Variants in ZDHHC2 observed in about 807,000 individuals in gnomAD.
ZDHHC2 encodes palmitoyltransferase ZDHHC2.
ZDHHC2 carries 51 observed loss-of-function variants against 55.6 expected under a neutral mutation model. The ratio of observed to expected loss-of-function variants is 0.92; its 90% CI spans 0.73 to 1.16. The LOEUF (loss-of-function observed/expected upper bound fraction) is 1.16, where lower values mean the gene tolerates loss of function less well. Among genes scored for constraint, ZDHHC2 ranks in the 50% most tolerant of loss-of-function variants. The probability of loss-of-function intolerance (pLI) is 0.00; values close to 1 mark genes in which losing one functional copy is unlikely to be tolerated. For synonymous variants in ZDHHC2, 199 were observed against 152.9 expected, an observed-to-expected ratio of 1.30 and a Z score of -2.22; for missense variants, 491 against 442.4, an observed-to-expected ratio of 1.11 and a Z score of -0.99.
intron 1 of ZDHHC2, among the ~76,000 whole-genome samples, chr8:17,162,278 A>G (rs1035487298): frequency 4.6e-5 from 7 of 152,242 alleles, no homozygotes; most frequent in Non-Finnish European, 2.9e-5. Context: ...ATAAATGTTG[A>G]ATGAATTAAT....
intron 6 of ZDHHC2, among the ~76,000 whole-genome samples, chr8:17,199,562 T>TCTTCG (rs1806577539): frequency 1.4e-4 from 11 of 80,786 alleles, no homozygotes; most frequent in African/African-American, 3.5e-4. Context: ...CGTCTTCGTC[T>TCTTCG]TCTTCGTCTT....
chr8:17,216,980 GAT>G (rs1807680990), intron 11 of ZDHHC2, among the ~76,000 whole-genome samples, 190 bp from the exon 12 acceptor site: 1 of 152,050 alleles, frequency 6.6e-6, no homozygotes, highest in African/African-American at 2.4e-5. Context: ...GTGGGAGAGA[GAT>G]AGTGGTTGTA....
At chr8:17,169,421 C>G (rs1563141467) in intron 1 of ZDHHC2, among the ~76,000 whole-genome samples, 1 of 152,038 alleles carries the variant, frequency 6.6e-6, no homozygotes, top group East Asian at 1.9e-4. Context: ...TAGCTTACTG[C>G]ATATAGGCAG....
At chr8:17,160,978 T>C (rs1194064206) in intron 1 of ZDHHC2, among the ~76,000 whole-genome samples, 1 of 152,254 alleles carries the variant, frequency 6.6e-6, no homozygotes, top group Non-Finnish European at 1.5e-5. Context: ...TTGCTGTCTT[T>C]ATTACTAAAC....
intron 3 of ZDHHC2, among the ~76,000 whole-genome samples, chr8:17,192,614 G>A (rs1806090937): frequency 6.6e-6 from 1 of 152,144 alleles, no homozygotes; most frequent in South Asian, 2.1e-4. Context: ...CTGTGCAAAA[G>A]CCTTTTAACT....
chr8:17,184,703 T>C, intron 1 of ZDHHC2, 86 bp from the exon 2 acceptor site: 1 of 1,111,056 alleles, frequency 9.0e-7, no homozygotes, highest in Non-Finnish European at 1.3e-6. Context: ...AGCCACATTA[T>C]TAAGCTACTT....
At chr8:17,173,588 C>T (rs781446576) in intron 1 of ZDHHC2, among the ~76,000 whole-genome samples, 11 of 149,852 alleles carry the variant, frequency 7.3e-5, no homozygotes, top group East Asian at 3.9e-4. Context: ...GAGGCTGAGG[C>T]GGAAAGATTG....
intron 6 of ZDHHC2, among the ~76,000 whole-genome samples, chr8:17,201,078 T>G (rs1806736606): frequency 6.6e-6 from 1 of 152,186 alleles, no homozygotes; most frequent in South Asian, 2.1e-4. Context: ...AATTAAAGTT[T>G]TAAATAAAAA....
chr8:17,198,878 A>G (rs1212060176), intron 6 of ZDHHC2, among the ~76,000 whole-genome samples: 1 of 152,248 alleles, frequency 6.6e-6, no homozygotes, highest in African/African-American at 2.4e-5. Flanking sequence ...ACATAAATTT[A>G]AACAAGATTT....
intron 6 of ZDHHC2, among the ~76,000 whole-genome samples, chr8:17,202,111 C>T (rs1806814631): frequency 6.6e-6 from 1 of 152,178 alleles, no homozygotes; most frequent in Non-Finnish European, 1.5e-5. Flanking sequence ...TTAAGTAACA[C>T]AAATAAAAAC....
At chr8:17,168,925 T>A (rs911721744) in intron 1 of ZDHHC2, among the ~76,000 whole-genome samples, 10 of 152,336 alleles carry the variant, frequency 6.6e-5, no homozygotes, top group Middle Eastern at 3.4e-3. Flanking sequence ...ATATTGTTTA[T>A]CCATTAATGG....
intron 1 of ZDHHC2, among the ~76,000 whole-genome samples, chr8:17,173,124 G>A (rs141428630): frequency 6.6e-6 from 1 of 152,170 alleles, no homozygotes; most frequent in African/African-American, 2.4e-5. Flanking sequence ...CAAGAACTGA[G>A]AGAAAGCAAG....
intron 1 of ZDHHC2, among the ~76,000 whole-genome samples, chr8:17,177,028 T>C (rs1212734314): frequency 1.3e-5 from 2 of 152,200 alleles, no homozygotes; most frequent in Non-Finnish European, 2.9e-5. Context: ...TTTTGACCTC[T>C]AATACACTAA....
At chr8:17,204,192 T>G (rs1040051208) in intron 6 of ZDHHC2, among the ~76,000 whole-genome samples, 1 of 152,260 alleles carries the variant, frequency 6.6e-6, no homozygotes, top group Admixed American at 6.5e-5. Flanking sequence ...TCCCTTTACC[T>G]TATATTTTTT....
intron 3 of ZDHHC2, among the ~76,000 whole-genome samples, chr8:17,186,962 T>A (rs1183208658): frequency 6.6e-6 from 1 of 152,186 alleles, no homozygotes; most frequent in African/African-American, 2.4e-5. Flanking sequence ...GTTCCAACCA[T>A]CACATCTACA....
In ZDHHC2 at chr8:17,197,643, CTGTGA is replaced by C. The variant is rs866295682; in HGVS notation, c.437_441del (p.Cys146Ter). 6.2e-7 allele frequency: 1 copy of C among 1,613,654 alleles called. No homozygotes were observed. Among genetic ancestry groups the C allele is most frequent in the Admixed American group, 1.7e-5 (1 of 59,998 alleles). ...CAGATCGCTGCCATCACTGCTCCGT[CTGTGA>C]TAAGTAAGAGAACCTTTAACTTCTA... On this transcript the variant is annotated frameshift_variant, in exon 5 of 13. Coordinates refer to ENST00000262096, the MANE Select transcript of ZDHHC2 (RefSeq NM_016353.5). LOFTEE classifies it high-confidence loss of function.
chr8:17,166,593 C>T (rs370113193), intron 1 of ZDHHC2, among the ~76,000 whole-genome samples: 1 of 152,154 alleles, frequency 6.6e-6, no homozygotes, highest in Non-Finnish European at 1.5e-5. Flanking sequence ...TGTTCTACCA[C>T]ATGTGAGAAT....
chr8:17,159,712 C>T (rs1278046594), intron 1 of ZDHHC2, among the ~76,000 whole-genome samples: 1 of 152,056 alleles, frequency 6.6e-6, no homozygotes, highest in Non-Finnish European at 1.5e-5. Flanking sequence ...GTGTGAGAGT[C>T]AAGTATTTTT....
At chr8:17,184,622 T>TCG (rs1192035853) in intron 1 of ZDHHC2, among the ~76,000 whole-genome samples, 167 bp from the exon 2 acceptor site, 1 of 150,914 alleles carries the variant, frequency 6.6e-6, no homozygotes, top group African/African-American at 2.4e-5. Flanking sequence ...TCCTGCACCC[T>TCG]CTCCACACTG....
Sources: gnomAD v4.1 joint callset for allele counts (sites outside exome capture counted in the v4.1 genomes callset) on GRCh38, gnomAD v4.1.1 for gene constraint, MANE v1.5 for transcripts, NCBI Gene and HGNC (gene_info 2026-07-23, HGNC 2026-07-21) for gene names.